Variants in FER1L6 observed in about 807,000 individuals in gnomAD.
FER1L6 encodes the protein fer-1 like family member 6, also known as fer-1-like protein 6.
FER1L6 carries 177 observed loss-of-function variants against 219.2 expected under a neutral mutation model. The ratio of observed to expected loss-of-function variants is 0.81; its 90% CI spans 0.71 to 0.91. The LOEUF (loss-of-function observed/expected upper bound fraction) is 0.91. FER1L6 is among the 40% of genes least tolerant of loss of function. The pLI is 0.00. For missense variants in FER1L6, 2,153 were observed against 2,259.9 expected (o/e 0.95, Z 0.96); for synonymous variants, 768 against 824.3 (o/e 0.93, Z 1.17).
intron 1 of FER1L6, among the ~76,000 whole-genome samples, chr8:123,927,685 G>A (rs1040761827): frequency 1.3e-5 from 2 of 152,114 alleles, no homozygotes; most frequent in African/African-American, 4.8e-5. Flanking sequence ...TGGGCAGGCT[G>A]GTATTATCTT....
chr8:123,890,732 TC>T (rs915568203), intron 1 of FER1L6, among the ~76,000 whole-genome samples: 9 of 136,978 alleles, frequency 6.6e-5, no homozygotes, highest in African/African-American at 2.4e-4. Flanking sequence ...AACAAGAAAA[TC>T]CCCCCAAGCC....
At chr8:124,095,231 C>T (rs918848640) in intron 35 of FER1L6, among the ~76,000 whole-genome samples, 193 bp downstream of exon 35, 9 of 152,178 alleles carry the variant, frequency 5.9e-5, no homozygotes, top group African/African-American at 1.9e-4. Context: ...CTAAATTAAA[C>T]ATCCTAGAAA....
intron 1 of FER1L6, among the ~76,000 whole-genome samples, chr8:123,902,756 G>T (rs1023772254): frequency 1.3e-5 from 2 of 152,182 alleles, no homozygotes; most frequent in African/African-American, 4.8e-5. Flanking sequence ...TATCTTTTAA[G>T]TGGAACATTT....
chr8:124,078,042 T>C (rs1821368953), intron 32 of FER1L6, among the ~76,000 whole-genome samples: 1 of 152,190 alleles, frequency 6.6e-6, no homozygotes, highest in Non-Finnish European at 1.5e-5. Context: ...TATGGGTTTA[T>C]TGGCCATCTC....
intron 1 of FER1L6, among the ~76,000 whole-genome samples, chr8:123,859,404 G>A (rs1816705357): frequency 6.6e-6 from 1 of 152,088 alleles, no homozygotes; most frequent in Non-Finnish European, 1.5e-5. Flanking sequence ...TTTTGTGTGT[G>A]GTGAGAATGT....
At chr8:123,976,650 C>G (rs1377978161) in intron 9 of FER1L6, among the ~76,000 whole-genome samples, 1 of 152,184 alleles carries the variant, frequency 6.6e-6, no homozygotes, top group African/African-American at 2.4e-5. Context: ...TCCTTCCTCA[C>G]CCCTGGCTAC....
intron 8 of FER1L6, 55 bp from the exon 9 acceptor site, chr8:123,975,841 TTC>T (rs758094052): frequency 2.8e-6 from 4 of 1,408,186 alleles, no homozygotes; most frequent in Non-Finnish European, 3.9e-6. Context: ...CTCCTGTCTT[TTC>T]TCTCTGTTTC....
At chr8:123,993,061 A>G (rs375508592) in intron 12 of FER1L6, among the ~76,000 whole-genome samples, 59 of 151,552 alleles carry the variant, frequency 3.9e-4, no homozygotes, top group African/African-American at 1.4e-3. Flanking sequence ...AAGATACTTG[A>G]TATGATTTCA....
At chr8:124,028,739 A>T (rs2130672682) in intron 18 of FER1L6, among the ~76,000 whole-genome samples, 1 of 152,318 alleles carries the variant, frequency 6.6e-6, no homozygotes, top group Non-Finnish European at 1.5e-5. Context: ...GGTTCCAAGA[A>T]GTCCTGCAGT....
chr8:124,004,531 A>G lies in FER1L6; in HGVS notation c.1700+1184A>G, dbSNP rs143197151. Among the ~76,000 whole-genome samples the G allele has an allele frequency of 5.2e-4, 79 of 152,192 alleles. 1 individual carries two copies. The Middle Eastern group carries it at 0.01, about 20-fold the overall frequency. On this transcript the variant is annotated intron_variant, in intron 13 of 40. Transcript: ENST00000522917. Reference sequence around the variant, plus strand: ...CTCTCAGGATAACAGGGACTCCCAAATCTATTTTCCTAGACAGCCCTCTTT... The same window carrying G: ...CTCTCAGGATAACAGGGACTCCCAAGTCTATTTTCCTAGACAGCCCTCTTT...
At chr8:123,944,249 A>G (rs1814384128) in intron 1 of FER1L6, among the ~76,000 whole-genome samples, 1 of 150,060 alleles carries the variant, frequency 6.7e-6, no homozygotes, top group Admixed American at 6.7e-5. Context: ...TAATGAATAT[A>G]TTTGTTAGAT....
chr8:123,901,132 G>A (rs1355019450), intron 1 of FER1L6, among the ~76,000 whole-genome samples: 3 of 152,004 alleles, frequency 2.0e-5, no homozygotes, highest in African/African-American at 4.8e-5. Context: ...CATCTGGTCC[G>A]GGACTTTTTT....
At chr8:124,107,093 C>T (rs1317365281) in intron 39 of FER1L6, among the ~76,000 whole-genome samples, 12 of 151,780 alleles carry the variant, frequency 7.9e-5, no homozygotes, top group African/African-American at 1.9e-4. Flanking sequence ...GGACTACAGG[C>T]GCCCGCCACC....
chr8:124,070,502 T>C lies in FER1L6; in HGVS notation c.3870T>C (p.Asn1290=). The change falls in exon 30 of 41, where the codon AAT becomes AAC. Residue 1290 remains asparagine, a synonymous_variant. Coordinates refer to ENST00000522917, the MANE Select transcript of FER1L6 (RefSeq NM_001039112.2). The stretch of plus-strand genomic sequence containing the variant: ...GTGATCTCGAGAGTGAATTCAACAA[T>C]TTTGAAGACTGGGTGAAAACTTTTG... ...YDGDLESEFN[N]FEDWVKTFEL... The C allele has an allele frequency of 6.2e-7, 1 of 1,613,776 alleles. No individual in the cohort carries two copies. The highest frequency in any genetic ancestry group is 8.5e-7 in the Non-Finnish European group (1 of 1,179,784).
At chr8:124,103,041 G>T in intron 38 of FER1L6, 105 bp from the exon 39 acceptor site, 1 of 1,039,176 alleles carries the variant, frequency 9.6e-7, no homozygotes, top group South Asian at 1.5e-5. Context: ...CTGATTGAAT[G>T]AGTAGGAAGT....
chr8:124,012,184 C>T lies in FER1L6; in HGVS notation c.1822-1247C>T, dbSNP rs7836233. Among the ~76,000 whole-genome samples the T allele has an allele frequency of 4.8e-3, 725 of 152,316 alleles. 8 individuals are homozygous for T. Among genetic ancestry groups the T allele is most frequent in the Middle Eastern group, 0.017 (5 of 294 alleles). ...CCTATGCTAAGTCAAGAACAAATTT[C>T]TCTGTCCCATTTGCTTTATAATCCT... On this transcript the variant is annotated intron_variant, in intron 14 of 40. Coordinates refer to ENST00000522917, the MANE Select transcript of FER1L6 (RefSeq NM_001039112.2).
chr8:123,977,401 C>T lies in FER1L6; in HGVS notation c.871-16C>T, dbSNP rs1816130735. 1.2e-6 allele frequency: 2 copies of T among 1,608,666 alleles called. No individual in the cohort carries two copies. The highest frequency in any genetic ancestry group is 2.2e-5 in the South Asian group (2 of 90,406). ...AGTCCCTTCCATGACTCATGTCCTC[C>T]TGGCTGTGTTTTTAGGGGCGAACCA... On this transcript the variant is annotated splice_polypyrimidine_tract_variant and intron_variant, in intron 9 of 40. Coordinates refer to ENST00000522917, the MANE Select transcript of FER1L6 (RefSeq NM_001039112.2).
At chr8:124,084,478 T>C (rs765190537) in intron 33 of FER1L6, among the ~76,000 whole-genome samples, 1 of 152,138 alleles carries the variant, frequency 6.6e-6, no homozygotes, top group Non-Finnish European at 1.5e-5. Flanking sequence ...TGAAGGAATA[T>C]TGAATTTCAT....
Position 123,975,172 on chromosome 8 carries a change from G to A in FER1L6, c.549G>A (p.Trp183Ter). 6.2e-7 allele frequency: 1 copy of A among 1,607,232 alleles called. No homozygotes were observed. The highest frequency in any genetic ancestry group is 8.5e-7 in the Non-Finnish European group (1 of 1,177,090). Residue 183 changes from tryptophan (W) to a stop codon, truncating the protein, a stop_gained, in exon 8 of 41, where the codon TGG becomes TGA. Coordinates refer to ENST00000522917, the MANE Select transcript of FER1L6 (RefSeq NM_001039112.2). LOFTEE classifies it high-confidence loss of function. ...CAGGTCATCAGTTCTGCAACAAGTG[G>A]GCCCTGCTCACAGACCCTGGTGACA... ...NQPGHQFCNKWALLTDPGDIR... is the reference protein window; with the variant it reads ...NQPGHQFCNK
Sources: allele counts gnomAD v4.1 joint callset (sites outside exome capture counted in the v4.1 genomes callset), GRCh38; gene constraint gnomAD v4.1.1; transcripts MANE v1.5; gene names NCBI Gene and HGNC (gene_info 2026-07-23, HGNC 2026-07-21).